Variants in SGCD observed in about 807,000 individuals in gnomAD.
SGCD encodes the protein delta-sarcoglycan.
In SGCD, 18 loss-of-function variants were observed where a neutral mutation model predicts 36.6. That is an observed-to-expected ratio of 0.49 (90% confidence interval 0.34 to 0.73). The LOEUF is 0.73. Among genes scored for constraint, SGCD ranks in the 30% least tolerant of loss-of-function variants. The probability of loss-of-function intolerance (pLI) is 0.01; values close to 1 mark genes in which losing one functional copy is unlikely to be tolerated. For missense variants in SGCD, 387 were observed against 346.7 expected, an observed-to-expected ratio of 1.12 and a Z score of -0.92; for synonymous variants, 133 against 130.6, an observed-to-expected ratio of 1.02 and a Z score of -0.12.
At chr5:155,837,224 C>A in the SGCD span, among the ~76,000 whole-genome samples, 12 of 152,124 alleles carry the variant, frequency 7.9e-5, no homozygotes, top group East Asian at 3.9e-4. Context: ...GTGGCATGAT[C>A]TCAGCTCACT....
the SGCD span, among the ~76,000 whole-genome samples, chr5:155,759,562 C>T: frequency 2.0e-4 from 30 of 152,272 alleles, no homozygotes; most frequent in African/African-American, 4.8e-4. Flanking sequence ...ATGCACACTC[C>T]GCTGCTCAGG....
At chr5:156,561,193 CA>C (rs1201752152) in intron 4 of SGCD, among the ~76,000 whole-genome samples, 1 of 152,200 alleles carries the variant, frequency 6.6e-6, no homozygotes, top group Non-Finnish European at 1.5e-5. Flanking sequence ...TTCTACATTA[CA>C]GGGCTTTGGA....
intron 3 of SGCD, among the ~76,000 whole-genome samples, chr5:156,440,259 T>A (rs1480914981): frequency 6.6e-6 from 1 of 152,170 alleles, no homozygotes; most frequent in Non-Finnish European, 1.5e-5. Context: ...GGTGTCTGGT[T>A]TCTTTAACAT....
chr5:156,529,423 CA>C (rs397884521), intron 4 of SGCD, among the ~76,000 whole-genome samples: 1,216 of 59,136 alleles, frequency 0.021, 7 homozygotes, highest in African/African-American at 0.063. Flanking sequence ...GACTCTGTCT[CA>C]AAAAAAAAAA....
the SGCD span, among the ~76,000 whole-genome samples, chr5:155,770,613 G>A: frequency 1.1e-3 from 169 of 152,150 alleles, 1 homozygote; most frequent in African/African-American, 3.9e-3. Flanking sequence ...TGCTGTTGGA[G>A]GGTTTGAAGC....
chr5:156,138,558 A>C (rs1762510535), intron 3 of SGCD, among the ~76,000 whole-genome samples: 1 of 152,256 alleles, frequency 6.6e-6, no homozygotes, highest in Non-Finnish European at 1.5e-5. Context: ...CACCAGCATC[A>C]TTCAATTAAT....
intron 7 of SGCD, among the ~76,000 whole-genome samples, chr5:156,655,242 A>G (rs1294325993): frequency 6.6e-6 from 1 of 152,146 alleles, no homozygotes; most frequent in Non-Finnish European, 1.5e-5. Context: ...AATTACATCT[A>G]TTTCAAAACG....
intron 3 of SGCD, among the ~76,000 whole-genome samples, chr5:156,274,082 C>T (rs1766253211): frequency 6.6e-6 from 1 of 152,008 alleles, no homozygotes; most frequent in Non-Finnish European, 1.5e-5. Context: ...TAGATTTTCC[C>T]TGGGTGAGAT....
At chr5:156,426,632 T>C (rs1368901095) in intron 3 of SGCD, among the ~76,000 whole-genome samples, 2 of 152,146 alleles carry the variant, frequency 1.3e-5, no homozygotes, top group Non-Finnish European at 2.9e-5. Flanking sequence ...ATGATTTTTC[T>C]GCCTAAGCCA....
intron 1 of SGCD, among the ~76,000 whole-genome samples, chr5:156,079,240 C>T (rs188674042): frequency 6.6e-5 from 10 of 152,170 alleles, no homozygotes; most frequent in Admixed American, 2.6e-4. Context: ...CACTGAGCCA[C>T]GAGGGATCTG....
chr5:156,043,939 A>G (rs996080055), intron 1 of SGCD, among the ~76,000 whole-genome samples: 1 of 150,494 alleles, frequency 6.6e-6, no homozygotes, highest in Non-Finnish European at 1.5e-5. Context: ...AAAACACTGG[A>G]GAAAACCGAG....
At chr5:155,790,460 AG>A in the SGCD span, among the ~76,000 whole-genome samples, 1 of 152,054 alleles carries the variant, frequency 6.6e-6, no homozygotes, top group Non-Finnish European at 1.5e-5. Context: ...TTAAGTAATA[AG>A]GTATAAAAGC....
intron 3 of SGCD, among the ~76,000 whole-genome samples, chr5:156,199,854 C>T (rs1764102209): frequency 6.6e-6 from 1 of 152,008 alleles, no homozygotes; most frequent in Non-Finnish European, 1.5e-5. Flanking sequence ...TGCCACCCAC[C>T]CAGAGAAGCT....
chr5:156,167,369 GTGTT>G (rs1340731440), intron 3 of SGCD, among the ~76,000 whole-genome samples: 1 of 152,014 alleles, frequency 6.6e-6, no homozygotes, highest in South Asian at 2.1e-4. Context: ...GGGCATAACT[GTGTT>G]TGTCTTCTCC....
At chr5:155,909,188 T>C (rs1013639430) in intron 1 of SGCD, among the ~76,000 whole-genome samples, 17 of 152,170 alleles carry the variant, frequency 1.1e-4, no homozygotes, top group Non-Finnish European at 2.2e-4. Context: ...GAACAAAGTG[T>C]ATCTTCCTTC....
At chr5:155,928,235 A>AT (rs1321146787) in intron 1 of SGCD, among the ~76,000 whole-genome samples, 1 of 152,138 alleles carries the variant, frequency 6.6e-6, no homozygotes, top group Non-Finnish European at 1.5e-5. Context: ...ATAGTCACGG[A>AT]TTTTTAAATG....
chr5:156,439,505 A>G (rs1262521034), intron 3 of SGCD, among the ~76,000 whole-genome samples: 1 of 152,054 alleles, frequency 6.6e-6, no homozygotes, highest in East Asian at 1.9e-4. Flanking sequence ...GCCTGTTTAA[A>G]TCTTTTTGCA....
chr5:156,490,904 A>C (rs1755909785), intron 3 of SGCD, among the ~76,000 whole-genome samples: 2 of 152,156 alleles, frequency 1.3e-5, no homozygotes, highest in Non-Finnish European at 2.9e-5. Context: ...ACTGGAAAAG[A>C]GGAACTCAAA....
chr5:156,151,796 A>G lies in SGCD; in HGVS notation c.-44+27777A>G, dbSNP rs1022714518. Among the ~76,000 whole-genome samples, 6 of 150,880 alleles carry G rather than the reference A, an allele frequency of 4.0e-5. No individual in the cohort carries two copies. The East Asian group carries it at 1.2e-3, about 30-fold the overall frequency. ...TTTTTTTAAGATACAGCTGGACCAA[A>G]GGTATGTCTACATGTTTACATCATT... On this transcript the variant is annotated intron_variant, in intron 3 of 9. Coordinates refer to the SGCD transcript ENST00000517913.
Sources: allele counts gnomAD v4.1 joint callset (sites outside exome capture counted in the v4.1 genomes callset), GRCh38; gene constraint gnomAD v4.1.1; transcripts MANE v1.5; gene names NCBI Gene and HGNC (gene_info 2026-07-23, HGNC 2026-07-21).